THSD4: variants seen among roughly 807,000 people sequenced by gnomAD.
The protein encoded by THSD4 is thrombospondin type 1 domain containing 4.
THSD4 carries 69 observed loss-of-function variants against 119.0 expected under a neutral mutation model. The observed-to-expected ratio is 0.58, with a 90% CI of 0.48 to 0.71. The LOEUF is 0.71. THSD4 is among the 30% of genes least tolerant of loss of function. The pLI is 0.00. For missense variants in THSD4, 1,393 were observed against 1,391.1 expected (o/e 1.00, Z -0.02); for synonymous variants, 524 against 540.4 (o/e 0.97, Z 0.42).
chr15:71,378,004 G>C (rs1406769422), intron 6 of THSD4, among the ~76,000 whole-genome samples: 2 of 151,934 alleles, frequency 1.3e-5, no homozygotes, highest in Non-Finnish European at 2.9e-5. Context: ...AGGCTTAGTT[G>C]TTCAAGGCTA....
At chr15:71,355,986 A>G (rs913170446) in intron 6 of THSD4, among the ~76,000 whole-genome samples, 2 of 151,484 alleles carry the variant, frequency 1.3e-5, no homozygotes, top group African/African-American at 4.9e-5. Context: ...TGCTGCCTCA[A>G]CCTCCTGAGT....
At chr15:71,363,288 T>A (rs2045917517) in intron 6 of THSD4, among the ~76,000 whole-genome samples, 2 of 152,228 alleles carry the variant, frequency 1.3e-5, no homozygotes, top group Admixed American at 6.5e-5. Context: ...AATAAAAATT[T>A]AAAAAAACAA....
intron 6 of THSD4, among the ~76,000 whole-genome samples, chr15:71,363,310 A>G (rs2045917968): frequency 6.6e-6 from 1 of 152,244 alleles, no homozygotes; most frequent in South Asian, 2.1e-4. Context: ...GTAGTAAACC[A>G]GATTGGGCCC....
At chr15:71,609,854 A>AG (rs1222014556) in intron 7 of THSD4, among the ~76,000 whole-genome samples, 1 of 148,476 alleles carries the variant, frequency 6.7e-6, no homozygotes, top group Non-Finnish European at 1.5e-5. Flanking sequence ...TCCGTCTCAA[A>AG]AAAAAAAAAA....
chr15:71,390,810 C>G (rs999871904), intron 6 of THSD4, among the ~76,000 whole-genome samples: 3 of 150,270 alleles, frequency 2.0e-5, no homozygotes, highest in Non-Finnish European at 4.4e-5. Context: ...TCTCTTTTTC[C>G]GGGCTCCTCA....
At chr15:71,302,300 G>A (rs113051864) in intron 6 of THSD4, among the ~76,000 whole-genome samples, 2,352 of 152,226 alleles carry the variant, frequency 0.015, 17 homozygotes, top group Middle Eastern at 0.024. Context: ...GACCCAAATA[G>A]AGAAGACCAG....
rs570655018 is a variant in THSD4 at position 71,716,030 on chromosome 15, A to G, written c.1358-12519A>G. 5.3e-5 allele frequency among the ~76,000 whole-genome samples: 8 copies of G among 152,268 alleles called. No individual in the cohort carries two copies. In the South Asian group the frequency reaches 1.2e-3, roughly 24 times the overall value. On this transcript the variant is annotated intron_variant, in intron 8 of 17. Coordinates refer to ENST00000261862, the MANE Select transcript of THSD4 (RefSeq NM_024817.3). ...ATTCTCTCACAGTTCTGGAGACCAG[A>G]ATTCTGAAATCAAGGTGTCAGCAGG...
chr15:71,599,112 A>G (rs1326212333), intron 7 of THSD4, among the ~76,000 whole-genome samples: 1 of 152,150 alleles, frequency 6.6e-6, no homozygotes, highest in Non-Finnish European at 1.5e-5. Flanking sequence ...GTAAAACCAT[A>G]AATGTTACTG....
chr15:71,554,866 CAT>C (rs970034133), intron 7 of THSD4, among the ~76,000 whole-genome samples: 5 of 151,784 alleles, frequency 3.3e-5, no homozygotes, highest in African/African-American at 1.2e-4. Context: ...TGTAGGAGAA[CAT>C]ATGTAATATA....
At position 71,312,008 on chromosome 15, in the gene THSD4, T is replaced by A. The variant is rs548710642; in HGVS notation, c.1015+55293T>A. 4.6e-5 allele frequency among the ~76,000 whole-genome samples: 7 copies of A among 152,314 alleles called. No individual in the cohort carries two copies. The East Asian group carries it at 1.4e-3, about 29-fold the overall frequency. ...CAGCACTGAAGGCAGTTATCTTTTG[T>A]GACACTGTCCTACTGCAGACCCTCC... On this transcript the variant is annotated intron_variant, in intron 6 of 17. Transcript: ENST00000261862.
At chr15:71,421,415 T>C (rs1243285714) in intron 7 of THSD4, among the ~76,000 whole-genome samples, 3 of 152,206 alleles carry the variant, frequency 2.0e-5, no homozygotes, top group Non-Finnish European at 4.4e-5. Context: ...TCCATCATAT[T>C]TGAAGGGTGT....
intron 4 of THSD4, among the ~76,000 whole-genome samples, chr15:71,218,935 A>G (rs1883701905): frequency 6.6e-6 from 1 of 152,234 alleles, no homozygotes; most frequent in Non-Finnish European, 1.5e-5. Context: ...GCCCTGGGAC[A>G]TACACAAAGG....
chr15:71,630,434 C>T (rs1395706682), intron 7 of THSD4, among the ~76,000 whole-genome samples: 1 of 152,068 alleles, frequency 6.6e-6, no homozygotes, highest in Non-Finnish European at 1.5e-5. Context: ...TATATTTTAC[C>T]CCCAATTTTG....
intron 8 of THSD4, among the ~76,000 whole-genome samples, chr15:71,676,672 G>A (rs2051658839): frequency 6.6e-6 from 1 of 152,064 alleles, no homozygotes; most frequent in African/African-American, 2.4e-5. Flanking sequence ...TCAACTCTCT[G>A]CCTCATGCAC....
intron 7 of THSD4, among the ~76,000 whole-genome samples, chr15:71,491,249 G>C (rs548086782): frequency 1.3e-5 from 2 of 152,324 alleles, no homozygotes; most frequent in East Asian, 3.9e-4. Context: ...GAAAGTTAAA[G>C]AAGGGTATCT....
chr15:71,307,714 G>T (rs534777240), intron 6 of THSD4, among the ~76,000 whole-genome samples: 1 of 152,338 alleles, frequency 6.6e-6, no homozygotes, highest in Admixed American at 6.5e-5. Context: ...GTTGCAGTGA[G>T]CTGAGATCGC....
At chr15:71,323,747 A>G (rs1287720219) in intron 6 of THSD4, among the ~76,000 whole-genome samples, 1 of 152,180 alleles carries the variant, frequency 6.6e-6, no homozygotes, top group Non-Finnish European at 1.5e-5. Context: ...TTAGAAACAG[A>G]CACAGAGTTG....
In THSD4 at chr15:71,418,115, A is replaced by G. The variant is rs926377652; in HGVS notation, c.1152+6292A>G. 7.4e-5 allele frequency among the ~76,000 whole-genome samples: 8 copies of G among 108,534 alleles called. 4 individuals are homozygous for G. In the Admixed American group the frequency reaches 9.6e-4, roughly 13 times the overall value. The allele number at this position is 108,534 out of a possible 152,430, so 71.2% of individuals were successfully genotyped here. A position where few individuals can be genotyped will look rare whatever the true frequency, so the allele number is the denominator to read the frequency against. On this transcript the variant is annotated intron_variant, in intron 7 of 17. Coordinates refer to ENST00000261862, the MANE Select transcript of THSD4 (RefSeq NM_024817.3). ...ACTGTTTTTTGTATGTCGATTTTGT[A>G]TTTTGCAACTTTACTGAATTTATCA...
chr15:71,736,142 T>C (rs1011212630), intron 10 of THSD4, among the ~76,000 whole-genome samples: 5 of 130,884 alleles, frequency 3.8e-5, no homozygotes, highest in African/African-American at 7.9e-5. Context: ...TCTTGCTCTC[T>C]CTCCGTCTCT....
Sources: gnomAD v4.1 joint callset for allele counts (sites outside exome capture counted in the v4.1 genomes callset) on GRCh38, gnomAD v4.1.1 for gene constraint, MANE v1.5 for transcripts, NCBI Gene and HGNC (gene_info 2026-07-23, HGNC 2026-07-21) for gene names.